Variants in C6orf52 observed in about 807,000 individuals in gnomAD.
The protein encoded by C6orf52 is putative uncharacterized protein C6orf52.
Under a neutral mutation model 16.6 loss-of-function variants are expected in C6orf52, and 16 were observed. The observed-to-expected ratio is 0.96, with a 90% CI of 0.65 to 1.46. C6orf52 has a LOEUF of 1.46. Among genes scored for constraint, C6orf52 ranks in the 40% most tolerant of loss-of-function variants. C6orf52 has a pLI of 0.00. For missense variants in C6orf52, 166 were observed against 182.3 expected, an observed-to-expected ratio of 0.91 and a Z score of 0.52; for synonymous variants, 53 against 61.4, an observed-to-expected ratio of 0.86 and a Z score of 0.64.
chr6:10,687,513 G>A lies in C6orf52; in HGVS notation c.38C>T (p.Ala13Val), dbSNP rs7749306. The A allele has an allele frequency of 2.6e-6, 4 of 1,550,748 alleles. No homozygotes were observed. In the African/African-American group the frequency reaches 4.1e-5, roughly 16 times the overall value. The change falls in exon 2 of 5, where the codon GCT (alanine) becomes GTT (valine). Residue 13 changes from alanine (A) to valine (V), a missense_variant. Physicochemically the swap from Ala to Val is moderately conservative, Grantham distance 64 (BLOSUM62 0). Coordinates refer to ENST00000259983, the MANE Select transcript of C6orf52 (RefSeq NM_001145020.3). Reference protein sequence around the residue: ...QPESSADFGIAQQNNYYCYWQ... With the variant: ...QPESSADFGIVQQNNYYCYWQ... ...GTAGCAGTAATAGTTATTTTGTTGA[G>A]CTATGCCAAAATCTGCAGAACTCTC...
intron 1 of C6orf52, among the ~76,000 whole-genome samples, chr6:10,692,210 ATATGT>A (rs1207434059): frequency 6.6e-6 from 1 of 152,118 alleles, no homozygotes; most frequent in Non-Finnish European, 1.5e-5. Flanking sequence ...AAATAAACAG[ATATGT>A]TGTGGAGTAA....
intron 3 of C6orf52, among the ~76,000 whole-genome samples, chr6:10,684,304 T>C (rs1390661109): frequency 2.6e-5 from 4 of 152,068 alleles, no homozygotes; most frequent in Non-Finnish European, 4.4e-5. Context: ...CAAGACATCA[T>C]CTCTAAAAGC....
At chr6:10,683,514 C>T (rs1271455805) in intron 3 of C6orf52, among the ~76,000 whole-genome samples, 2 of 152,206 alleles carry the variant, frequency 1.3e-5, no homozygotes, top group African/African-American at 2.4e-5. Flanking sequence ...ACCTAACTAG[C>T]ATCCTAGAGC....
At chr6:10,691,645 G>T (rs1243413838) in intron 1 of C6orf52, among the ~76,000 whole-genome samples, 2 of 151,810 alleles carry the variant, frequency 1.3e-5, no homozygotes, top group African/African-American at 4.9e-5. Context: ...AATATGAGGG[G>T]TGGTCTCCCT....
chr6:10,679,681 C>T (rs2127463993), intron 4 of C6orf52, among the ~76,000 whole-genome samples: 1 of 152,178 alleles, frequency 6.6e-6, no homozygotes, highest in African/African-American at 2.4e-5. Context: ...AAAACTTCTT[C>T]CTTTCCAACC....
intron 4 of C6orf52, among the ~76,000 whole-genome samples, chr6:10,677,776 C>T (rs1455634765): frequency 1.3e-5 from 2 of 151,818 alleles, no homozygotes; most frequent in Non-Finnish European, 2.9e-5. Flanking sequence ...TCACGTGATC[C>T]TCCCACCTGA....
At chr6:10,672,628 G>A in intron 4 of C6orf52, 1 of 694,518 alleles carries the variant, frequency 1.4e-6, no homozygotes, top group Non-Finnish European at 2.6e-6. Flanking sequence ...GCAACATACT[G>A]AGACGTCACT....
intron 1 of C6orf52, among the ~76,000 whole-genome samples, chr6:10,692,923 G>A (rs1351430583): frequency 6.6e-6 from 1 of 152,178 alleles, no homozygotes; most frequent in Non-Finnish European, 1.5e-5. Flanking sequence ...GTTTACATTT[G>A]GCGTGGACAA....
chr6:10,683,555 TG>T (rs1187188701), intron 3 of C6orf52, among the ~76,000 whole-genome samples: 2 of 152,184 alleles, frequency 1.3e-5, no homozygotes, highest in Non-Finnish European at 2.9e-5. Context: ...CCAGCGACCC[TG>T]GTATCCAGGC....
At chr6:10,688,104 C>T (rs60818797) in intron 1 of C6orf52, among the ~76,000 whole-genome samples, 8,673 of 151,722 alleles carry the variant, frequency 0.057, 803 homozygotes, top group African/African-American at 0.19. Context: ...GAGAAGAACG[C>T]GCTCCCTCGC....
chr6:10,685,926 C>G (rs1329034709), intron 3 of C6orf52, among the ~76,000 whole-genome samples: 5 of 152,122 alleles, frequency 3.3e-5, no homozygotes, highest in African/African-American at 1.2e-4. Context: ...CCTTCCACAT[C>G]CAGAATTATA....
rs937697706 is a variant in C6orf52 at position 10,687,002 on chromosome 6, G to T, written c.234C>A (p.Thr78=). Residue 78 remains threonine (T), a synonymous_variant, in exon 3 of 5, where the codon ACC becomes ACA. Coordinates refer to ENST00000259983, the MANE Select transcript of C6orf52 (RefSeq NM_001145020.3). ...NGKDCFSAHE[T]PEHTAGTLVM... ...CCAGAGTTCCAGCTGTGTGTTCAGGGGTCTCATGCGCAGAAAAACAGTCCT... is the reference window on the plus strand; with the variant it reads ...CCAGAGTTCCAGCTGTGTGTTCAGGTGTCTCATGCGCAGAAAAACAGTCCT... The T allele has an allele frequency of 1.9e-6, 3 of 1,551,240 alleles. No homozygotes were observed. The highest frequency in any genetic ancestry group is 2.6e-6 in the Non-Finnish European group (3 of 1,146,844).
intron 1 of C6orf52, among the ~76,000 whole-genome samples, chr6:10,688,374 T>C (rs1469694697): frequency 2.6e-5 from 4 of 152,222 alleles, no homozygotes; most frequent in African/African-American, 7.2e-5. Context: ...AGTGTCAAAA[T>C]TCAGGATAAC....
rs868034668 is a variant in C6orf52, at chr6:10,687,342, T to A, written c.71+138A>T. On this transcript the variant is annotated intron_variant, in intron 2 of 4. Transcript: ENST00000259983. ...AACCACCATGGCACGTGTATACCTA[T>A]GTAAAAAACCTGCACGTTCTGCACA... 7.7e-6 allele frequency: 6 copies of A among 784,004 alleles called. No homozygotes were observed. In the Admixed American group the frequency reaches 1.3e-4, roughly 17 times the overall value. 48.6% of individuals were successfully genotyped at this position (784,004 alleles called of 1,614,324 possible). A position where few individuals can be genotyped will look rare whatever the true frequency, so the allele number is the denominator to read the frequency against.
At chr6:10,682,831 G>A (rs1040837547) in intron 4 of C6orf52, among the ~76,000 whole-genome samples, 2 of 152,134 alleles carry the variant, frequency 1.3e-5, no homozygotes, top group Admixed American at 6.5e-5. Flanking sequence ...CAATAACCCT[G>A]AGGCCACAGC....
chr6:10,678,836 T>A (rs1768115197), intron 4 of C6orf52, among the ~76,000 whole-genome samples: 1 of 152,210 alleles, frequency 6.6e-6, no homozygotes, highest in African/African-American at 2.4e-5. Context: ...GGCTCACGCC[T>A]GTAATCCCCG....
At chr6:10,679,761 G>A (rs945557013) in intron 4 of C6orf52, among the ~76,000 whole-genome samples, 4 of 152,160 alleles carry the variant, frequency 2.6e-5, no homozygotes, top group Admixed American at 2.6e-4. Flanking sequence ...TTGAATAGAA[G>A]TAGTGAAAGT....
At chr6:10,691,430 G>A (rs958845928) in intron 1 of C6orf52, among the ~76,000 whole-genome samples, 1 of 152,070 alleles carries the variant, frequency 6.6e-6, no homozygotes, top group Non-Finnish European at 1.5e-5. Context: ...TGCATGCACC[G>A]GTAATTAGAA....
At chr6:10,683,484 T>G (rs1768585146) in intron 3 of C6orf52, among the ~76,000 whole-genome samples, 1 of 152,176 alleles carries the variant, frequency 6.6e-6, no homozygotes, top group Admixed American at 6.5e-5. Context: ...CGAGGGCCCC[T>G]GGCCCCTGGA....
Sources: allele counts gnomAD v4.1 joint callset (sites outside exome capture counted in the v4.1 genomes callset), GRCh38; gene constraint gnomAD v4.1.1; transcripts MANE v1.5; gene names NCBI Gene and HGNC (gene_info 2026-07-23, HGNC 2026-07-21).